Variants in LAMA2 observed in about 807,000 individuals in gnomAD.
LAMA2 encodes laminin subunit alpha 2, also known as laminin subunit alpha-2.
A neutral mutation model predicts 364.8 loss-of-function variants in LAMA2; 269 were observed. The ratio of observed to expected loss-of-function variants is 0.74; its 90% CI spans 0.67 to 0.82. LAMA2 has a LOEUF of 0.82. Among genes scored for constraint, LAMA2 ranks in the 40% least tolerant of loss-of-function variants. LAMA2 has a pLI of 0.00. For synonymous variants in LAMA2, 1,379 were observed against 1,370.6 expected, an observed-to-expected ratio of 1.01 and a Z score of -0.14; for missense variants, 3,807 against 3,873.2, an observed-to-expected ratio of 0.98 and a Z score of 0.45.
At chr6:129,288,709 C>T (rs971307013) in intron 19 of LAMA2, among the ~76,000 whole-genome samples, 19 of 152,162 alleles carry the variant, frequency 1.2e-4, no homozygotes, top group Admixed American at 1.1e-3. Context: ...CCCCTCTTTA[C>T]CTTTTTTGCT....
At chr6:128,988,623 A>G (rs992387232) in intron 1 of LAMA2, among the ~76,000 whole-genome samples, 5 of 152,314 alleles carry the variant, frequency 3.3e-5, no homozygotes, top group Non-Finnish European at 7.4e-5. Context: ...GATTTTCACA[A>G]TTCTTAGCTT....
intron 4 of LAMA2, among the ~76,000 whole-genome samples, chr6:129,138,602 T>A (rs1777937347): frequency 6.6e-6 from 1 of 152,186 alleles, no homozygotes; most frequent in Non-Finnish European, 1.5e-5. Context: ...CGTGCATTAC[T>A]GTTTCATATA....
chr6:128,920,446 G>C (rs1022215446), intron 1 of LAMA2, among the ~76,000 whole-genome samples: 1 of 151,918 alleles, frequency 6.6e-6, no homozygotes, highest in Non-Finnish European at 1.5e-5. Flanking sequence ...GTGAGCCACC[G>C]TGCCGGTCCC....
At chr6:128,913,139 G>T (rs971597133) in intron 1 of LAMA2, among the ~76,000 whole-genome samples, 2 of 152,174 alleles carry the variant, frequency 1.3e-5, no homozygotes, top group Non-Finnish European at 2.9e-5. Flanking sequence ...TGAAGATGGG[G>T]TCTGCTAATG....
chr6:129,298,797 A>G (rs1773365131), intron 21 of LAMA2, among the ~76,000 whole-genome samples: 1 of 152,100 alleles, frequency 6.6e-6, no homozygotes, highest in South Asian at 2.1e-4. Context: ...ATTTTACCAT[A>G]AATTAAGCCA....
intron 15 of LAMA2, among the ~76,000 whole-genome samples, chr6:129,263,502 G>T (rs563147145): frequency 6.6e-6 from 1 of 152,128 alleles, no homozygotes; most frequent in Non-Finnish European, 1.5e-5. Flanking sequence ...TGTAAAACCA[G>T]CTGCTAAGGA....
chr6:129,264,980 G>A (rs1258355451), intron 15 of LAMA2, among the ~76,000 whole-genome samples: 2 of 152,100 alleles, frequency 1.3e-5, no homozygotes, highest in Non-Finnish European at 2.9e-5. Context: ...GAGGCTAAGA[G>A]GACAGTTTTG....
intron 27 of LAMA2, among the ~76,000 whole-genome samples, chr6:129,318,738 C>T (rs1271035125): frequency 6.6e-6 from 1 of 152,160 alleles, no homozygotes; most frequent in Non-Finnish European, 1.5e-5. Context: ...TTCATCAAGA[C>T]CAATCTTCAG....
chr6:129,223,904 G>A (rs1784055830), intron 12 of LAMA2, among the ~76,000 whole-genome samples: 1 of 152,064 alleles, frequency 6.6e-6, no homozygotes, highest in Non-Finnish European at 1.5e-5. Flanking sequence ...AGCTTGATAG[G>A]GATGGCATTG....
chr6:129,148,147 A>T (rs1201442925), intron 6 of LAMA2, among the ~76,000 whole-genome samples: 1 of 152,088 alleles, frequency 6.6e-6, no homozygotes, highest in Non-Finnish European at 1.5e-5. Context: ...AAAAATGCAT[A>T]TGCCACCATA....
At chr6:129,255,897 C>T (rs1786626885) in intron 14 of LAMA2, among the ~76,000 whole-genome samples, 1 of 152,092 alleles carries the variant, frequency 6.6e-6, no homozygotes, top group East Asian at 1.9e-4. Flanking sequence ...ACTTGGCATC[C>T]GGCCATTGGT....
At chr6:129,508,431 T>A (rs12525215) in intron 62 of LAMA2, among the ~76,000 whole-genome samples, 3,456 of 150,456 alleles carry the variant, frequency 0.023, 39 homozygotes, top group African/African-American at 0.035. Context: ...TTTTTTTTTT[T>A]ACTGTAGTTA....
chr6:129,353,306 A>C lies in LAMA2; in HGVS notation c.4666A>C (p.Lys1556Gln). ...CTCRPGATGR[K>Q]CDGCKHWHAR... The stretch of plus-strand genomic sequence containing the variant: ...GTGCCGACCTGGAGCCACGGGAAGG[A>C]AGTGTGACGGCTGCAAGCACTGGCA... The change falls in exon 32 of 65, where the codon AAG becomes CAG. Residue 1556 changes from lysine (K) to glutamine (Q), a missense_variant. By Grantham distance (53) the Lys-to-Gln change is moderately conservative. Coordinates refer to ENST00000421865, the MANE Select transcript of LAMA2 (RefSeq NM_000426.4). 3 of 1,614,044 alleles carry C rather than the reference A, an allele frequency of 1.9e-6. No homozygotes were observed. Among genetic ancestry groups the C allele is most frequent in the Non-Finnish European group, 2.5e-6 (3 of 1,179,978 alleles).
chr6:128,929,796 C>T (rs1779340116), intron 1 of LAMA2: 4 of 1,039,616 alleles, frequency 3.8e-6, no homozygotes, highest in Admixed American at 3.4e-5. Context: ...TGACTTCCAA[C>T]CACACCCACA....
At chr6:129,454,126 T>C in intron 46 of LAMA2, 29 bp from the exon 47 acceptor site, 1 of 1,603,918 alleles carries the variant, frequency 6.2e-7, no homozygotes. Context: ...ATATCTGATA[T>C]CTCTTGTTTT....
chr6:128,945,321 A>G (rs983222837), intron 1 of LAMA2, among the ~76,000 whole-genome samples: 1 of 152,182 alleles, frequency 6.6e-6, no homozygotes, highest in Non-Finnish European at 1.5e-5. Context: ...TGTTGTACCA[A>G]ACTTCTCAGT....
intron 20 of LAMA2, among the ~76,000 whole-genome samples, chr6:129,296,096 C>A (rs1183083058): frequency 6.6e-6 from 1 of 151,790 alleles, no homozygotes; most frequent in Non-Finnish European, 1.5e-5. Flanking sequence ...TGCTTCAAAA[C>A]AGGATTTTAA....
chr6:129,254,587 A>G (rs1378454490), intron 14 of LAMA2, among the ~76,000 whole-genome samples: 1 of 152,202 alleles, frequency 6.6e-6, no homozygotes, highest in Non-Finnish European at 1.5e-5. Context: ...ACCTCTAAAG[A>G]AAGGCACATA....
intron 1 of LAMA2, among the ~76,000 whole-genome samples, chr6:129,026,788 G>C (rs1271909348): frequency 6.6e-6 from 1 of 152,052 alleles, no homozygotes; most frequent in Non-Finnish European, 1.5e-5. Flanking sequence ...GCATCAAATT[G>C]ATTTTGCAGA....
Sources: gnomAD v4.1 joint callset for allele counts (sites outside exome capture counted in the v4.1 genomes callset) on GRCh38, gnomAD v4.1.1 for gene constraint, MANE v1.5 for transcripts, NCBI Gene and HGNC (gene_info 2026-07-23, HGNC 2026-07-21) for gene names.